The following ABCA13 variants were observed in gnomAD, a reference collection of about 807,000 sequenced individuals.
The protein encoded by ABCA13 is ATP-binding cassette sub-family A member 13.
A neutral mutation model predicts 478.7 loss-of-function variants in ABCA13; 476 were observed. The observed-to-expected ratio is 0.99, with a 90% CI of 0.92 to 1.07. The LOEUF (loss-of-function observed/expected upper bound fraction) is 1.07, where lower values mean the gene tolerates loss of function less well. Ranked by LOEUF, ABCA13 falls within the 50% of genes least tolerant of loss-of-function variation. The pLI, the probability that ABCA13 is intolerant of heterozygous loss-of-function variation, is 0.00. For synonymous variants in ABCA13, 2,252 were observed against 2,158.9 expected, an observed-to-expected ratio of 1.04 and a Z score of -1.20; for missense variants, 6,060 against 5,910.6, an observed-to-expected ratio of 1.03 and a Z score of -0.83.
At chr7:48,237,468 A>G (rs936186097) in intron 8 of ABCA13, among the ~76,000 whole-genome samples, 1 of 152,222 alleles carries the variant, frequency 6.6e-6, no homozygotes, top group Non-Finnish European at 1.5e-5. Flanking sequence ...TTAGCTTGGT[A>G]TATGCCCAGG....
chr7:48,591,746 T>C (rs555829432), intron 57 of ABCA13, among the ~76,000 whole-genome samples: 2 of 152,100 alleles, frequency 1.3e-5, no homozygotes, highest in South Asian at 2.1e-4. Flanking sequence ...AATGAAATTG[T>C]CTAAAATTTC....
At chr7:48,198,510 T>G in intron 3 of ABCA13, 150 bp downstream of exon 3, 2 of 918,912 alleles carry the variant, frequency 2.2e-6, no homozygotes. Flanking sequence ...CAGAGTCATA[T>G]AATTCTGCCT....
Position 48,198,256 on chromosome 7 carries a change from T to G in ABCA13, c.183T>G (p.Asp61Glu), listed in dbSNP as rs749918138. 228 of 1,612,840 alleles carry G rather than the reference T, an allele frequency of 1.4e-4. No individual in the cohort carries two copies. The highest frequency in any genetic ancestry group is 1.9e-4 in the Non-Finnish European group (226 of 1,179,454). ...YRDICYLQPR[D>E]LPSCGVIPFV... is the part of the protein sequence containing the mutation. ...TTCTAGGTTATTTGCAGCCCCGAGATCTACCCAGCTGTGGTGTTATCCCCT... is the reference window on the plus strand; with the variant it reads ...TTCTAGGTTATTTGCAGCCCCGAGAGCTACCCAGCTGTGGTGTTATCCCCT... The change falls in exon 3 of 62, where the codon GAT (aspartate) becomes GAG (glutamate). Residue 61 changes from aspartate to glutamate, a missense_variant. By Grantham distance (45) the Asp-to-Glu change is conservative. Coordinates refer to ENST00000435803, the MANE Select transcript of ABCA13 (RefSeq NM_152701.5).
Position 48,615,772 on chromosome 7 carries a change from C to A in ABCA13, c.14837+395C>A, listed in dbSNP as rs376184869. ...CCTCATCTGCAGTGAATCAAAGTTCCCATTTTATCCTACCAAACACTATCC... is the reference window on the plus strand; with the variant it reads ...CCTCATCTGCAGTGAATCAAAGTTCACATTTTATCCTACCAAACACTATCC... On this transcript the variant is annotated intron_variant, in intron 59 of 61. Coordinates refer to ENST00000435803, the MANE Select transcript of ABCA13 (RefSeq NM_152701.5). 9.9e-5 allele frequency among the ~76,000 whole-genome samples: 15 copies of A among 152,202 alleles called. No homozygotes were observed. In the East Asian group the frequency reaches 2.7e-3, roughly 27 times the overall value.
chr7:48,274,341 A>C lies in ABCA13; in HGVS notation c.4675A>C (p.Lys1559Gln). Residue 1559 changes from lysine to glutamine, a missense_variant, in exon 17 of 62, where the codon AAA (lysine) becomes CAA (glutamine). Transcript: ENST00000435803. ...GGGGAAGGAATTTCAGAAGCTTGTA[A>C]AAGGTATTTACTTTAACATCCTGGA... ...TLGKEFQKLV[K>Q]GIYFNILENN... 1 of 1,613,456 alleles carries C rather than the reference A, an allele frequency of 6.2e-7. No homozygotes were observed. Among genetic ancestry groups the C allele is most frequent in the Non-Finnish European group, 8.5e-7 (1 of 1,179,722 alleles).
In ABCA13 at chr7:48,278,260, C is replaced by T. The variant is rs1057406076; in HGVS notation, c.7066C>T (p.His2356Tyr). 3.1e-6 allele frequency: 5 copies of T among 1,611,488 alleles called. No homozygotes were observed. The highest frequency in any genetic ancestry group is 4.5e-5 in the East Asian group (2 of 44,810). The change falls in exon 18 of 62, where the codon CAT becomes TAT. Residue 2356 changes from histidine (H) to tyrosine (Y), a missense_variant. Physicochemically the swap from His to Tyr is moderately conservative, Grantham distance 83. Around this residue, in one of 3 missense-constraint regions of ABCA13, gnomAD observed 4,423 missense variants for 4,309.1 expected, o/e 1.03. Transcript: ENST00000435803. ...LDNGEFYFDT[H>Y]QGLKFMQDLF... Reference sequence around the variant, plus strand: ...CAATGGAGAATTTTATTTTGATACTCATCAAGGACTGAAGTTCATGCAAGA... The same window carrying T: ...CAATGGAGAATTTTATTTTGATACTTATCAAGGACTGAAGTTCATGCAAGA...
Position 48,398,930 on chromosome 7 carries a change from C to T in ABCA13, c.11874-4753C>T, listed in dbSNP as rs1817223403. Among the ~76,000 whole-genome samples, 4 of 152,158 alleles carry T rather than the reference C, an allele frequency of 2.6e-5. No individual in the cohort carries two copies. The South Asian group carries it at 8.3e-4, about 32-fold the overall frequency. On this transcript the variant is annotated intron_variant, in intron 38 of 61. Transcript: ENST00000435803. Reference sequence around the variant, plus strand: ...TGGAAGACAAGGAAGTGAACCAAGTCCACTAATGGTGAGGGTGTGATCAGA... The same window carrying T: ...TGGAAGACAAGGAAGTGAACCAAGTTCACTAATGGTGAGGGTGTGATCAGA...
chr7:48,435,546 G>T (rs1822718953), intron 42 of ABCA13, among the ~76,000 whole-genome samples: 1 of 151,656 alleles, frequency 6.6e-6, no homozygotes, highest in African/African-American at 2.4e-5. Context: ...GACTTCCAGT[G>T]CTATCTTGAA....
intron 1 of ABCA13, among the ~76,000 whole-genome samples, chr7:48,187,037 C>A (rs927126749): frequency 3.4e-5 from 4 of 118,106 alleles, no homozygotes; most frequent in African/African-American, 1.0e-4. Flanking sequence ...ATATATATAT[C>A]AGTGTATACA....
chr7:48,554,396 T>C (rs1267587928), intron 55 of ABCA13, among the ~76,000 whole-genome samples: 1 of 152,088 alleles, frequency 6.6e-6, no homozygotes, highest in Non-Finnish European at 1.5e-5. Flanking sequence ...TTGTATTGAA[T>C]CTGTAGATTG....
intron 35 of ABCA13, among the ~76,000 whole-genome samples, chr7:48,382,598 A>C (rs1814561075): frequency 6.6e-6 from 1 of 152,206 alleles, no homozygotes; most frequent in Admixed American, 6.5e-5. Flanking sequence ...CTGAATTTCA[A>C]AATTAATTGA....
chr7:48,562,677 C>A (rs969116603), intron 55 of ABCA13, among the ~76,000 whole-genome samples: 7 of 152,060 alleles, frequency 4.6e-5, no homozygotes, highest in Non-Finnish European at 1.0e-4. Context: ...AAAGGAACCA[C>A]TGGGGGACTA....
chr7:48,505,127 A>G (rs1044264526), intron 48 of ABCA13, among the ~76,000 whole-genome samples: 2 of 152,116 alleles, frequency 1.3e-5, no homozygotes, highest in African/African-American at 4.8e-5. Context: ...ATTCTGGAAA[A>G]CTGTACAGTG....
At chr7:48,374,055 T>C (rs911903765) in intron 33 of ABCA13, among the ~76,000 whole-genome samples, 3 of 152,260 alleles carry the variant, frequency 2.0e-5, no homozygotes, top group Non-Finnish European at 4.4e-5. Context: ...TGTTTTGTGT[T>C]ACACATTTCT....
At chr7:48,515,674 T>A (rs1832050550) in intron 51 of ABCA13, among the ~76,000 whole-genome samples, 2 of 152,108 alleles carry the variant, frequency 1.3e-5, no homozygotes. Flanking sequence ...TACAGTGCTG[T>A]CTCCTGGCTT....
chr7:48,613,060 G>A (rs1792183224), intron 58 of ABCA13, among the ~76,000 whole-genome samples: 1 of 151,896 alleles, frequency 6.6e-6, no homozygotes, highest in African/African-American at 2.4e-5. Flanking sequence ...GCAGTTCTTT[G>A]AATGGTCTCT....
chr7:48,364,386 G>A (rs1412353700), intron 31 of ABCA13, among the ~76,000 whole-genome samples: 2 of 152,144 alleles, frequency 1.3e-5, no homozygotes, highest in African/African-American at 4.8e-5. Context: ...AATTGAGATA[G>A]CCATCACTTC....
chr7:48,262,749 A>G (rs974230868), intron 15 of ABCA13, among the ~76,000 whole-genome samples: 2 of 151,932 alleles, frequency 1.3e-5, no homozygotes, highest in African/African-American at 4.8e-5. Context: ...GTCAGCATAG[A>G]GGTCTGGTGT....
At position 48,293,979 on chromosome 7, in the gene ABCA13, C is replaced by A. The variant is rs148108981; in HGVS notation, c.8956-1721C>A. Among the ~76,000 whole-genome samples the A allele has an allele frequency of 9.5e-4, 144 of 152,216 alleles. 1 individual carries two copies. The highest frequency in any genetic ancestry group is 3.1e-3 in the African/African-American group (129 of 41,542). On this transcript the variant is annotated intron_variant, in intron 20 of 61. Transcript: ENST00000435803. ...CTGACCTTCAGAGCACGGCAAATCC[C>A]GGTTTTATCCACCTCACATAGGAAT...
Sources: gnomAD v4.1 joint callset for allele counts (sites outside exome capture counted in the v4.1 genomes callset) on GRCh38, gnomAD v4.1.1 for gene constraint, gnomAD v4.1.1 regional missense constraint, MANE v1.5 for transcripts, NCBI Gene and HGNC (gene_info 2026-07-23, HGNC 2026-07-21) for gene names.